The following NTRK2 variants were observed in gnomAD, a reference collection of about 807,000 sequenced individuals.
NTRK2 encodes the protein BDNF/NT-3 growth factors receptor.
A neutral mutation model predicts 94.5 loss-of-function variants in NTRK2; 13 were observed. That is an observed-to-expected ratio of 0.14 (90% CI 0.09 to 0.22). NTRK2 has a LOEUF of 0.22. NTRK2 is among the 10% of genes least tolerant of loss of function. NTRK2 has a pLI of 1.00. For synonymous variants in NTRK2, 372 were observed against 407.4 expected (o/e 0.91, Z 1.05); for missense variants, 639 against 1,071.2 (o/e 0.60, Z 5.63).
intron 17 of NTRK2, among the ~76,000 whole-genome samples, chr9:84,973,877 GA>G (rs1564516240): frequency 6.6e-6 from 1 of 152,008 alleles, no homozygotes; most frequent in Non-Finnish European, 1.5e-5. Flanking sequence ...AAAACTAGGG[GA>G]AAAAATTTAA....
At chr9:84,846,162 C>T (rs2131838068) in intron 12 of NTRK2, among the ~76,000 whole-genome samples, 1 of 152,322 alleles carries the variant, frequency 6.6e-6, no homozygotes, top group African/African-American at 2.4e-5. Context: ...TGGATTCAAG[C>T]TTCCAAGCTC....
rs549790564 is a variant in NTRK2 at position 84,740,122 on chromosome 9, T to G, written c.1160-1770T>G. ...TTGCTCTCTTGGGCTTATAGAATCT[T>G]TCCTTCAGCAGGGGTAGTAAATTCC... On this transcript the variant is annotated intron_variant, in intron 9 of 18. Transcript: ENST00000277120. Among the ~76,000 whole-genome samples, 12 of 152,330 alleles carry G rather than the reference T, an allele frequency of 7.9e-5. No individual in the cohort carries two copies. In the South Asian group the frequency reaches 2.5e-3, roughly 32 times the overall value.
intron 12 of NTRK2, among the ~76,000 whole-genome samples, chr9:84,852,476 G>A (rs2074823962): frequency 6.6e-6 from 1 of 152,194 alleles, no homozygotes; most frequent in East Asian, 1.9e-4. Flanking sequence ...TCTTTGATAT[G>A]ACTTTCTCAC....
intron 15 of NTRK2, among the ~76,000 whole-genome samples, chr9:84,946,393 G>T (rs2078600651): frequency 6.6e-6 from 1 of 152,196 alleles, no homozygotes; most frequent in African/African-American, 2.4e-5. Flanking sequence ...CCTGTGCTCT[G>T]CCCAGGGCTG....
At position 84,797,774 on chromosome 9, in the gene NTRK2, A is replaced by AT. The variant is rs1437230705; in HGVS notation, c.1396+45690dup. Among the ~76,000 whole-genome samples the AT allele has an allele frequency of 5.1e-3, 367 of 72,566 alleles. 16 individuals are homozygous for AT. Among genetic ancestry groups the AT allele is most frequent in the African/African-American group, 0.02 (351 of 17,346 alleles). The allele number at this position is 72,566 out of a possible 152,430, so 47.6% of individuals were successfully genotyped here. On this transcript the variant is annotated intron_variant, in intron 12 of 18. Coordinates refer to ENST00000277120, the MANE Select transcript of NTRK2 (RefSeq NM_006180.6). The stretch of plus-strand genomic sequence containing the variant: ...TATTATATATACTATAATAATATAT[A>AT]TAATATATATTATATATACTATAAT...
In NTRK2 at chr9:84,727,770, T is replaced by C. The variant is rs201362502; in HGVS notation, c.970T>C (p.Leu324=). The C allele has an allele frequency of 1.2e-5, 19 of 1,614,186 alleles. No homozygotes were observed. Among genetic ancestry groups the C allele is most frequent in the Non-Finnish European group, 1.5e-5 (18 of 1,180,042 alleles). Residue 324 remains leucine (L), a synonymous_variant, in exon 9 of 19, where the codon TTG becomes CTG. Transcript: ENST00000277120. ...ALQWFYNGAI[L]NESKYICTKI... The stretch of plus-strand genomic sequence containing the variant: ...TCAGTGGTTCTATAACGGGGCAATA[T>C]TGAATGAGTCCAAATACATCTGTAC...
At chr9:84,831,629 G>C (rs1270176997) in intron 12 of NTRK2, among the ~76,000 whole-genome samples, 1 of 152,154 alleles carries the variant, frequency 6.6e-6, no homozygotes, top group Non-Finnish European at 1.5e-5. Flanking sequence ...AAGAAAGTGA[G>C]GCCCAAGGAG....
Position 84,917,823 on chromosome 9 carries a change from CAG to C in NTRK2, c.1634-16331_1634-16330del, listed in dbSNP as rs76770810. The stretch of plus-strand genomic sequence containing the variant: ...ATGAGCCAACAAAACAGTCAGGCGC[CAG>C]AGAGAGAAAAATCCTGTTTGCATTG... On this transcript the variant is annotated intron_variant, in intron 14 of 18. Transcript: ENST00000277120. 1.2e-4 allele frequency among the ~76,000 whole-genome samples: 18 copies of C among 152,262 alleles called. No homozygotes were observed. In the East Asian group the frequency reaches 3.1e-3, roughly 26 times the overall value.
intron 12 of NTRK2, among the ~76,000 whole-genome samples, chr9:84,830,268 C>T (rs140768210): frequency 1.1e-3 from 160 of 152,312 alleles, no homozygotes; most frequent in Non-Finnish European, 1.9e-3. Context: ...TTTACCCTCA[C>T]GTTCTTGTAT....
rs569178508 is a variant in NTRK2 at position 84,887,305 on chromosome 9, C to G, written c.1633+19874C>G. The stretch of plus-strand genomic sequence containing the variant: ...CTCATCCCCTCAAGCCAGACACTTT[C>G]TCTAGGTCAGTTTTCAGGGCCAAGG... On this transcript the variant is annotated intron_variant, in intron 14 of 18. Coordinates refer to ENST00000277120, the MANE Select transcript of NTRK2 (RefSeq NM_006180.6). Among the ~76,000 whole-genome samples the G allele has an allele frequency of 5.3e-5, 8 of 152,302 alleles. No individual in the cohort carries two copies. In the East Asian group the frequency reaches 5.8e-4, roughly 11 times the overall value.
At position 85,009,581 on chromosome 9, in the gene NTRK2, A is replaced by C. The variant is rs535249460; in HGVS notation, c.2173-10625A>C. Among the ~76,000 whole-genome samples, 143 of 152,298 alleles carry C rather than the reference A, an allele frequency of 9.4e-4. 2 individuals carry two copies. The highest frequency in any genetic ancestry group is 3.3e-3 in the African/African-American group (139 of 41,566). Reference sequence around the variant, plus strand: ...AGTATATCTAAAGAGGAATAAGGAAAATGAGCTTTAAAAGTAGGTCATGTC... The same window carrying C: ...AGTATATCTAAAGAGGAATAAGGAACATGAGCTTTAAAAGTAGGTCATGTC... On this transcript the variant is annotated intron_variant, in intron 17 of 18. Coordinates refer to ENST00000277120, the MANE Select transcript of NTRK2 (RefSeq NM_006180.6).
At chr9:84,769,746 C>T (rs2066355030) in intron 12 of NTRK2, among the ~76,000 whole-genome samples, 1 of 152,184 alleles carries the variant, frequency 6.6e-6, no homozygotes, top group South Asian at 2.1e-4. Flanking sequence ...AGCAGAAAAC[C>T]ACAACAGTAG....
At chr9:84,708,671 G>A (rs1424192861) in intron 5 of NTRK2, among the ~76,000 whole-genome samples, 1 of 152,176 alleles carries the variant, frequency 6.6e-6, no homozygotes, top group African/African-American at 2.4e-5. Context: ...ATTAGGCAAT[G>A]GCATTTGCTT....
intron 12 of NTRK2, among the ~76,000 whole-genome samples, chr9:84,761,622 T>C (rs970536618): frequency 2.0e-5 from 3 of 152,190 alleles, no homozygotes; most frequent in African/African-American, 7.2e-5. Context: ...CCTTTATTAT[T>C]ATGGTGTGTA....
In NTRK2 at chr9:84,675,957, G is replaced by A. The variant is rs964842382; in HGVS notation, c.212+4997G>A. Among the ~76,000 whole-genome samples, 3 of 152,172 alleles carry A rather than the reference G, an allele frequency of 2.0e-5. No individual in the cohort carries two copies. In the South Asian group the frequency reaches 6.2e-4, roughly 32 times the overall value. On this transcript the variant is annotated intron_variant, in intron 2 of 18. Coordinates refer to ENST00000277120, the MANE Select transcript of NTRK2 (RefSeq NM_006180.6). Reference sequence around the variant, plus strand: ...AGTTATAAATATTGATCTGGGAGATGGATGAGTGAATGTGCTCAAAGTTAC... The same window carrying A: ...AGTTATAAATATTGATCTGGGAGATAGATGAGTGAATGTGCTCAAAGTTAC...
At chr9:84,795,633 C>T (rs1006617337) in intron 12 of NTRK2, among the ~76,000 whole-genome samples, 30 of 152,212 alleles carry the variant, frequency 2.0e-4, no homozygotes, top group Non-Finnish European at 1.2e-4. Flanking sequence ...TATTGTTTCT[C>T]ACTGACCCCA....
rs114392575 is a variant in NTRK2, at chr9:84,720,196, T to C, written c.584-3377T>C. On this transcript the variant is annotated intron_variant, in intron 6 of 18. Transcript: ENST00000277120. ...TTATATGGCAGAACTACTACAATGC[T>C]TAGAGTGTGAGAGTACAGGGAACAC... 6.2e-3 allele frequency among the ~76,000 whole-genome samples: 950 copies of C among 152,210 alleles called. 11 individuals are homozygous for C. The highest frequency in any genetic ancestry group is 0.022 in the African/African-American group (914 of 41,512).
intron 7 of NTRK2, among the ~76,000 whole-genome samples, chr9:84,723,993 C>T (rs1588172393): frequency 6.6e-6 from 1 of 152,214 alleles, no homozygotes; most frequent in Non-Finnish European, 1.5e-5. Context: ...CTGTGGTCTT[C>T]TCCCTTGGAG....
intron 12 of NTRK2, among the ~76,000 whole-genome samples, chr9:84,825,736 T>C (rs1459150108): frequency 6.6e-6 from 1 of 152,214 alleles, no homozygotes; most frequent in African/African-American, 2.4e-5. Context: ...CCTTCTTTCC[T>C]ATACCCCCAT....
Sources: gnomAD v4.1 joint callset for allele counts (sites outside exome capture counted in the v4.1 genomes callset) on GRCh38, gnomAD v4.1.1 for gene constraint, MANE v1.5 for transcripts, NCBI Gene and HGNC (gene_info 2026-07-23, HGNC 2026-07-21) for gene names.